The following AMPD2 variants were observed in gnomAD, a reference collection of about 807,000 sequenced individuals.
AMPD2 encodes the protein AMP deaminase 2.
In AMPD2, 52 loss-of-function variants were observed where a neutral mutation model predicts 91.3. The ratio of observed to expected loss-of-function variants is 0.57; its 90% CI spans 0.46 to 0.72. The LOEUF (loss-of-function observed/expected upper bound fraction) is 0.72, where lower values mean the gene tolerates loss of function less well. AMPD2 is among the 30% of genes least tolerant of loss of function. The probability of loss-of-function intolerance (pLI) is 0.00; values close to 1 mark genes in which losing one functional copy is unlikely to be tolerated. For missense variants in AMPD2, 822 were observed against 1,122.3 expected, an observed-to-expected ratio of 0.73 and a Z score of 3.82; for synonymous variants, 455 against 456.4, an observed-to-expected ratio of 1.00 and a Z score of 0.04.
In AMPD2 at chr1:109,627,265, G is replaced by A. The variant is rs749468757; in HGVS notation, c.809G>A (p.Arg270His). ...TMPGDLGLGLRMVRGVVHVYT... is the reference protein window; with the variant it reads ...TMPGDLGLGLHMVRGVVHVYT... Reference sequence around the variant, plus strand: ...CCTGGGGACCTGGGCTTGGGTCTGCGCATGGTGCGGGGTGTGGTGCACGTC... The same window carrying A: ...CCTGGGGACCTGGGCTTGGGTCTGCACATGGTGCGGGGTGTGGTGCACGTC... The change falls in exon 8 of 19, where the codon CGC becomes CAC. Residue 270 changes from arginine to histidine, a missense_variant. Arg to His is a conservative substitution (Grantham distance 29). Around this residue, in one of 5 missense-constraint regions of AMPD2, gnomAD observed 240 missense variants for 270.3 expected, o/e 0.89. Transcript: ENST00000528667. 1.9e-5 allele frequency: 30 copies of A among 1,609,960 alleles called. No homozygotes were observed. The highest frequency in any genetic ancestry group is 4.4e-5 in the South Asian group (4 of 90,504).
intron 8 of AMPD2, 55 bp downstream of exon 8, chr1:109,627,371 T>C: frequency 1.2e-6 from 2 of 1,613,554 alleles, no homozygotes; most frequent in Non-Finnish European, 8.5e-7. Flanking sequence ...TTGCGTTGGC[T>C]TGGGAGAGGC....
intron 13 of AMPD2, 43 bp from the exon 14 acceptor site, chr1:109,629,066 C>G (rs765745083): frequency 5.6e-6 from 9 of 1,604,254 alleles, no homozygotes; most frequent in Non-Finnish European, 7.7e-6. Context: ...TTTCCTCCCA[C>G]TGGCCCTGAC....
At position 109,626,147 on chromosome 1, in the gene AMPD2, C is replaced by T. The variant is rs776988264; in HGVS notation, c.354-13C>T. 3.1e-6 allele frequency: 5 copies of T among 1,614,000 alleles called. No individual in the cohort carries two copies. Among genetic ancestry groups the T allele is most frequent in the East Asian group, 2.2e-5 (1 of 44,886 alleles). On this transcript the variant is annotated splice_polypyrimidine_tract_variant and intron_variant, in intron 4 of 18. Transcript: ENST00000528667. ...TCGGGATCTGCCTGACTTCTCACCC[C>T]TCTTGCCTCTAGGCTGGAGCCAGAC... is the stretch of plus-strand genomic sequence containing the variant.
chr1:109,622,218 T>C (rs541939525), intron 2 of AMPD2: 1 of 456,280 alleles, frequency 2.2e-6, no homozygotes, highest in Non-Finnish European at 4.4e-6. Context: ...GTCCTGAGGG[T>C]GTTCTCTGTG....
intron 9 of AMPD2, 114 bp downstream of exon 9, chr1:109,627,632 C>A: frequency 6.6e-7 from 1 of 1,517,406 alleles, no homozygotes. Flanking sequence ...GTTGCTGAGC[C>A]CTCGACTTCC....
Position 109,627,308 on chromosome 1 carries a change from C to T in AMPD2, c.852C>T (p.Pro284=), listed in dbSNP as rs746798865. ...TGCACGTCTACACCCGCAGGGAACC[C>T]GACGAGCAGTAAGAGGGGTGTGGTG... ...GVVHVYTRRE[P]DEHCSEVELP... is the part of the protein sequence containing the mutation. Residue 284 remains proline (P), a synonymous_variant, in exon 8 of 19, where the codon CCC becomes CCT. Transcript: ENST00000528667. 15 of 1,603,928 alleles carry T rather than the reference C, an allele frequency of 9.4e-6. No homozygotes were observed. The highest frequency in any genetic ancestry group is 6.7e-5 in the South Asian group (6 of 90,094).
chr1:109,630,265 C>A lies in AMPD2; in HGVS notation c.2016C>A (p.Ala672=), dbSNP rs1174558619. ...APVLQYLYYL[A]QIGIAMSPLS... ...TCCTGCAGTACCTGTACTACCTGGC[C>A]CAGATCGGCATCGCCATGTCTCCGC... The change falls in exon 17 of 19, where the codon GCC becomes GCA. Residue 672 remains alanine (A), a synonymous_variant. Coordinates refer to ENST00000528667, the MANE Select transcript of AMPD2 (RefSeq NM_001368809.2). The A allele has an allele frequency of 2.5e-6, 4 of 1,613,558 alleles. No homozygotes were observed. The highest frequency in any genetic ancestry group is 3.4e-6 in the Non-Finnish European group (4 of 1,180,024).
At position 109,620,101 on chromosome 1, in the gene AMPD2, T is replaced by G; in HGVS notation, c.-440T>G. ...CTGCGGGAGTCCACCTCCGGCCAGC[T>G]GGCAATTTTGAAAGACTGCCTTACT... On this transcript the variant is annotated 5_prime_UTR_variant, in exon 1 of 19. Coordinates refer to ENST00000528667, the MANE Select transcript of AMPD2 (RefSeq NM_001368809.2). 1 of 945,142 alleles carries G rather than the reference T, an allele frequency of 1.1e-6. No homozygotes were observed. Among genetic ancestry groups the G allele is most frequent in the Admixed American group, 2.1e-5 (1 of 47,034 alleles). The allele number at this position is 945,142 out of a possible 1,614,324, so 58.5% of individuals were successfully genotyped here. A position where few individuals can be genotyped will look rare whatever the true frequency, so the allele number is the denominator to read the frequency against.
At chr1:109,621,453 T>TGGGGGGGGGGGGGGGGGGGGGGG in intron 2 of AMPD2, 187 bp downstream of exon 2, 1 of 631,148 alleles carries the variant, frequency 1.6e-6, no homozygotes, top group Non-Finnish European at 2.9e-6. Flanking sequence ...GGGCGGGGGG[T>TGGGGGGGGGGGGGGGGGGGGGGG]GGATCTGAGA....
intron 17 of AMPD2, 130 bp from the exon 18 acceptor site, chr1:109,630,553 T>A: frequency 3.9e-6 from 2 of 518,446 alleles, no homozygotes; most frequent in South Asian, 2.7e-5. Context: ...ACAAGTCTTA[T>A]GGAGTTGAGG....
intron 13 of AMPD2, 45 bp from the exon 14 acceptor site, chr1:109,629,064 C>A: frequency 6.2e-7 from 1 of 1,603,676 alleles, no homozygotes; most frequent in South Asian, 1.1e-5. Context: ...GGTTTCCTCC[C>A]ACTGGCCCTG....
In AMPD2 at chr1:109,625,891, G is replaced by GCAC. The variant is rs1481638563; in HGVS notation, c.353+99_353+100insCAC. On this transcript the variant is annotated intron_variant, in intron 4 of 18. Coordinates refer to ENST00000528667, the MANE Select transcript of AMPD2 (RefSeq NM_001368809.2). The surrounding 1 kb of genome is among the most constrained non-coding windows in gnomAD (Gnocchi z 4.0). ...TTTCCCTCGCACCCTGCCTTGGGGG[G>GCAC]TCTGCACAGGGAGCATAGAGTGGGC... 3.9e-5 allele frequency: 60 copies of GCAC among 1,529,868 alleles called. No homozygotes were observed. The African/African-American group carries it at 6.8e-4, about 17-fold the overall frequency. The allele number at this position is 1,529,868 out of a possible 1,614,324, so 94.8% of individuals were successfully genotyped here.
chr1:109,627,495 G>A lies in AMPD2; in HGVS notation c.927G>A (p.Met309Ile). The A allele has an allele frequency of 6.2e-7, 1 of 1,614,044 alleles. No homozygotes were observed. Among genetic ancestry groups the A allele is most frequent in the Non-Finnish European group, 8.5e-7 (1 of 1,179,972 alleles). The change falls in exon 9 of 19, where the codon ATG becomes ATA. Residue 309 changes from methionine to isoleucine, a missense_variant. Coordinates refer to ENST00000528667, the MANE Select transcript of AMPD2 (RefSeq NM_001368809.2). ...QEFVADVNVL[M>I]ALIINGPIKS... ...TTGTGGCTGACGTCAATGTGCTGAT[G>A]GCCCTGATTATCAATGGCCCCATGT...
rs370831888 is a variant in AMPD2, at chr1:109,628,158, C to T, written c.1156C>T (p.Arg386Trp). Reference sequence around the variant, plus strand: ...GCGCTTCATCAAGCGGGCAATGAAGCGGCACCTGGAGGAGATCGTGCACGT... The same window carrying T: ...GCGCTTCATCAAGCGGGCAATGAAGTGGCACCTGGAGGAGATCGTGCACGT... The part of the protein sequence containing the change: ...LLRFIKRAMK[R>W]HLEEIVHVEQ... Residue 386 changes from arginine (R) to tryptophan (W), a missense_variant, in exon 11 of 19, where the codon CGG (arginine) becomes TGG (tryptophan). By Grantham distance (101) the Arg-to-Trp change is moderately radical. Coordinates refer to ENST00000528667, the MANE Select transcript of AMPD2 (RefSeq NM_001368809.2). The surrounding 1 kb of genome is among the most constrained non-coding windows in gnomAD (Gnocchi z 7.1). 17 of 1,613,974 alleles carry T rather than the reference C, an allele frequency of 1.1e-5. No homozygotes were observed. In the African/African-American group the frequency reaches 1.1e-4, roughly 10 times the overall value.
At position 109,628,188 on chromosome 1, in the gene AMPD2, C is replaced by G. The variant is rs1324363739; in HGVS notation, c.1186C>G (p.Gln396Glu). The stretch of plus-strand genomic sequence containing the variant: ...CCTGGAGGAGATCGTGCACGTGGAG[C>G]AGGGCCGTGAACAGACGCTGCGGGA... ...RHLEEIVHVE[Q>E]GREQTLREVF... Residue 396 changes from glutamine to glutamate, a missense_variant, in exon 11 of 19, where the codon CAG becomes GAG. By Grantham distance (29) the Gln-to-Glu change is conservative. Around this residue, in one of 5 missense-constraint regions of AMPD2, gnomAD observed 430 missense variants for 606.0 expected, o/e 0.71. Coordinates refer to ENST00000528667, the MANE Select transcript of AMPD2 (RefSeq NM_001368809.2). This position sits in a 1 kb window ranked among gnomAD's most constrained non-coding sequence, Gnocchi z 7.1. The G allele has an allele frequency of 6.2e-7, 1 of 1,614,046 alleles. No individual in the cohort carries two copies. The highest frequency in any genetic ancestry group is 2.2e-5 in the East Asian group (1 of 44,866).
chr1:109,630,144 C>G, intron 16 of AMPD2, 89 bp from the exon 17 acceptor site: 1 of 1,464,664 alleles, frequency 6.8e-7, no homozygotes, highest in Non-Finnish European at 9.5e-7. Context: ...TCCCCCTGCC[C>G]TCTGCTGTGG....
At chr1:109,621,560 C>A (rs1374521456) in intron 2 of AMPD2, 23 of 544,480 alleles carry the variant, frequency 4.2e-5, no homozygotes, top group Admixed American at 3.3e-4. Flanking sequence ...TGTGCATGTG[C>A]TAAGACTGCG....
chr1:109,624,947 A>T lies in AMPD2; in HGVS notation c.92-356A>T, dbSNP rs1452447685. On this transcript the variant is annotated intron_variant, in intron 2 of 18. Coordinates refer to ENST00000528667, the MANE Select transcript of AMPD2 (RefSeq NM_001368809.2). This position sits in a 1 kb window ranked among gnomAD's most constrained non-coding sequence, Gnocchi z 5.2. ...TGAGGGTGTCTGTGTGCGTACGTGC[A>T]TGTGTGTGCACACGTACACACGTGC... 6.6e-6 allele frequency among the ~76,000 whole-genome samples: 1 copy of T among 152,110 alleles called. No individual in the cohort carries two copies. The highest frequency in any genetic ancestry group is 6.5e-5 in the Admixed American group (1 of 15,284).
Position 109,628,258 on chromosome 1 carries a change from A to C in AMPD2, c.1256A>C (p.Asp419Ala). 6.2e-7 allele frequency: 1 copy of C among 1,613,830 alleles called. No individual in the cohort carries two copies. Among genetic ancestry groups the C allele is most frequent in the Non-Finnish European group, 8.5e-7 (1 of 1,179,854 alleles). ...MNLTAYDLSV[D>A]TLDVHADRNT... ...CTCACGGCCTACGACCTGAGTGTGG[A>C]CACGCTGGATGTGCATGCGGTCTGT... Residue 419 changes from aspartate to alanine, a missense_variant, in exon 11 of 19, where the codon GAC becomes GCC. By Grantham distance (126) the Asp-to-Ala change is moderately radical. This residue lies in a region of AMPD2 where 430 missense variants were observed against 606.0 expected (regional missense o/e 0.71). Transcript: ENST00000528667. The surrounding 1 kb of genome is among the most constrained non-coding windows in gnomAD (Gnocchi z 7.1).
Sources: gnomAD v4.1 joint callset for allele counts (sites outside exome capture counted in the v4.1 genomes callset) on GRCh38, gnomAD v4.1.1 for gene constraint, gnomAD v4.1.1 regional missense constraint, Gnocchi (gnomAD v3.1) non-coding constraint, MANE v1.5 for transcripts, NCBI Gene and HGNC (gene_info 2026-07-23, HGNC 2026-07-21) for gene names.